TCF12: variants seen among roughly 807,000 people sequenced by gnomAD.
TCF12 encodes the protein DNA-binding protein HTF4.
A neutral mutation model predicts 86.0 loss-of-function variants in TCF12; 45 were observed. That is an observed-to-expected ratio of 0.52 (90% confidence interval 0.41 to 0.67). The LOEUF (loss-of-function observed/expected upper bound fraction) is 0.67, where lower values mean the gene tolerates loss of function less well. TCF12 is among the 30% of genes least tolerant of loss of function. The probability of loss-of-function intolerance (pLI) is 0.00; values close to 1 mark genes in which losing one functional copy is unlikely to be tolerated. For missense variants in TCF12, 881 were observed against 859.9 expected (o/e 1.02, Z -0.31); for synonymous variants, 330 against 299.6 (o/e 1.10, Z -1.05).
At chr15:57,163,812 A>G (rs2054665155) in intron 5 of TCF12, among the ~76,000 whole-genome samples, 1 of 152,218 alleles carries the variant, frequency 6.6e-6, no homozygotes, top group Non-Finnish European at 1.5e-5. Context: ...CATGTAATCA[A>G]AATGGATCAG....
intron 3 of TCF12, among the ~76,000 whole-genome samples, chr15:57,045,679 A>G (rs2067187263): frequency 6.6e-6 from 1 of 152,002 alleles, no homozygotes; most frequent in Non-Finnish European, 1.5e-5. Context: ...CCAAGTATGT[A>G]GGACTACAGG....
chr15:56,979,738 T>C (rs1478236715), intron 3 of TCF12, among the ~76,000 whole-genome samples: 1 of 152,228 alleles, frequency 6.6e-6, no homozygotes, highest in Non-Finnish European at 1.5e-5. Flanking sequence ...TTTGGTCACT[T>C]GATGGTCAAG....
chr15:57,111,207 G>T (rs1407345426), intron 5 of TCF12, among the ~76,000 whole-genome samples: 1 of 152,116 alleles, frequency 6.6e-6, no homozygotes, highest in African/African-American at 2.4e-5. Context: ...TGGAAGGAAT[G>T]TGTTATTTCA....
chr15:56,929,167 T>C (rs1417559739), intron 3 of TCF12, among the ~76,000 whole-genome samples: 3 of 152,186 alleles, frequency 2.0e-5, no homozygotes, highest in African/African-American at 4.8e-5. Context: ...TTTGTATCTT[T>C]GGGGATAAGG....
chr15:56,975,670 A>C (rs982877319), intron 3 of TCF12, among the ~76,000 whole-genome samples: 1 of 151,982 alleles, frequency 6.6e-6, no homozygotes, highest in Non-Finnish European at 1.5e-5. Context: ...GTTTCCTGCT[A>C]TTTAATGTGA....
At chr15:56,943,060 C>G (rs2060848366) in intron 3 of TCF12, among the ~76,000 whole-genome samples, 1 of 152,172 alleles carries the variant, frequency 6.6e-6, no homozygotes. Flanking sequence ...CTTCCTATAC[C>G]TTATTCCCAC....
intron 3 of TCF12, among the ~76,000 whole-genome samples, chr15:57,021,458 A>G (rs1422726912): frequency 6.6e-6 from 1 of 152,228 alleles, no homozygotes; most frequent in African/African-American, 2.4e-5. Context: ...ATTGGCATCA[A>G]CAGTGGCTTA....
At chr15:57,090,455 T>A (rs1321037946) in intron 4 of TCF12, among the ~76,000 whole-genome samples, 1 of 152,128 alleles carries the variant, frequency 6.6e-6, no homozygotes, top group African/African-American at 2.4e-5. Context: ...AAACAAAGAT[T>A]TATTTGGGAG....
chr15:56,941,272 G>T (rs1429219584), intron 3 of TCF12, among the ~76,000 whole-genome samples: 1 of 152,002 alleles, frequency 6.6e-6, no homozygotes, highest in African/African-American at 2.4e-5. Flanking sequence ...AGGCTGAGGT[G>T]GGAGGATCAC....
chr15:57,137,278 G>A lies in TCF12; in HGVS notation c.326-29124G>A, dbSNP rs529760074. On this transcript the variant is annotated intron_variant, in intron 5 of 20. Coordinates refer to ENST00000333725, the MANE Select transcript of TCF12 (RefSeq NM_207037.2). ...ATTACAGGCGTGAGCCACCACGCCC[G>A]GCCCTGGCAGTGTTTCTTAATGTGA... Among the ~76,000 whole-genome samples, 5 of 152,210 alleles carry A rather than the reference G, an allele frequency of 3.3e-5. No homozygotes were observed. The South Asian group carries it at 6.2e-4, about 19-fold the overall frequency.
At chr15:56,925,383 C>T (rs1456801926) in intron 3 of TCF12, among the ~76,000 whole-genome samples, 1 of 151,986 alleles carries the variant, frequency 6.6e-6, no homozygotes. Flanking sequence ...TTTTCATTAG[C>T]CATTTAAACA....
At chr15:57,212,470 G>A (rs1479172876) in intron 8 of TCF12, among the ~76,000 whole-genome samples, 2 of 152,062 alleles carry the variant, frequency 1.3e-5, no homozygotes, top group Non-Finnish European at 2.9e-5. Flanking sequence ...GTAGAGACAG[G>A]TCTTGCCATG....
intron 3 of TCF12, among the ~76,000 whole-genome samples, chr15:57,037,012 A>G (rs1322290637): frequency 2.0e-5 from 3 of 152,202 alleles, no homozygotes; most frequent in Non-Finnish European, 4.4e-5. Flanking sequence ...CAATTAAGTG[A>G]AGAAGTCAGT....
At chr15:57,186,639 C>T (rs919554643) in intron 6 of TCF12, among the ~76,000 whole-genome samples, 3 of 152,172 alleles carry the variant, frequency 2.0e-5, no homozygotes, top group African/African-American at 7.2e-5. Flanking sequence ...CAAAGTAAGA[C>T]AAATATTACA....
At chr15:57,229,470 G>A (rs2151910568) in intron 8 of TCF12, among the ~76,000 whole-genome samples, 1 of 149,404 alleles carries the variant, frequency 6.7e-6, no homozygotes, top group East Asian at 2.0e-4. Flanking sequence ...TCTGGGATGT[G>A]AAAGGTAGGA....
chr15:57,279,003 TTTTC>T (rs1351875705), intron 19 of TCF12, among the ~76,000 whole-genome samples: 2 of 151,406 alleles, frequency 1.3e-5, no homozygotes, highest in African/African-American at 2.4e-5. Flanking sequence ...TTTCCTTTCC[TTTTC>T]TTTCTTCCTC....
chr15:57,219,882 T>A (rs997704935), intron 8 of TCF12, among the ~76,000 whole-genome samples: 2 of 151,844 alleles, frequency 1.3e-5, no homozygotes, highest in Admixed American at 1.3e-4. Context: ...CCCGCCACCA[T>A]GCCCAGCTAA....
chr15:57,204,677 C>G (rs188562904), intron 8 of TCF12, among the ~76,000 whole-genome samples: 1 of 152,022 alleles, frequency 6.6e-6, no homozygotes, highest in East Asian at 1.9e-4. Context: ...GTCTAATAAT[C>G]TAGCGTGCTG....
At chr15:57,013,717 T>G (rs2064980973) in intron 3 of TCF12, among the ~76,000 whole-genome samples, 1 of 152,196 alleles carries the variant, frequency 6.6e-6, no homozygotes, top group East Asian at 1.9e-4. Flanking sequence ...GAGATAACTA[T>G]AGTGTAGAGA....
Sources: gnomAD v4.1 joint callset for allele counts (sites outside exome capture counted in the v4.1 genomes callset) on GRCh38, gnomAD v4.1.1 for gene constraint, MANE v1.5 for transcripts, NCBI Gene and HGNC (gene_info 2026-07-23, HGNC 2026-07-21) for gene names.